Variants in ZNF81 observed in about 807,000 individuals in gnomAD.
ZNF81 encodes zinc finger protein 81.
In ZNF81, 5 loss-of-function variants were observed where a neutral mutation model predicts 32.3. The ratio of observed to expected loss-of-function variants is 0.15; its 90% CI spans 0.08 to 0.33. ZNF81 has a LOEUF of 0.33. Among genes scored for constraint, ZNF81 ranks in the 10% least tolerant of loss-of-function variants. The pLI is 1.00. For synonymous variants in ZNF81, 163 were observed against 166.8 expected (o/e 0.98, Z 0.17); for missense variants, 379 against 479.8 (o/e 0.79, Z 1.96).
At chrX:47,860,826 G>T (rs782511606) in intron 2 of ZNF81, 1 of 111,143 alleles carries the variant, frequency 9.0e-6, no homozygotes, top group Non-Finnish European at 1.9e-5. Context: ...GAAGCTCTGC[G>T]CCCCTTCCCA....
intron 2 of ZNF81, among the ~76,000 whole-genome samples, chrX:47,877,198 A>AC (rs1323382339): frequency 3.7e-5 from 4 of 109,562 alleles, no homozygotes; most frequent in African/African-American, 1.3e-4. Context: ...ATTTGGGTGC[A>AC]CCCCCCCGCA....
At chrX:47,911,997 G>T (rs1433989067) in intron 4 of ZNF81, among the ~76,000 whole-genome samples, 1 of 110,100 alleles carries the variant, frequency 9.1e-6, no homozygotes. Context: ...GTAAGCTCAC[G>T]TGAGCAGCTC....
chrX:47,840,488 CTTTCT>C (rs1232430574), intron 1 of ZNF81, among the ~76,000 whole-genome samples: 1 of 108,344 alleles, frequency 9.2e-6, no homozygotes, highest in African/African-American at 3.3e-5. Flanking sequence ...TCTTTTCTTT[CTTTCT>C]TTTCTTTTTC....
rs1277486339 is a variant in ZNF81, at chrX:47,917,126, T to C, written c.*494T>C. ...ACACAGTGCAGAACAGGAGGAATATTACATTTTTTTTCAAATTTAGAATAA... is the reference window on the plus strand; with the variant it reads ...ACACAGTGCAGAACAGGAGGAATATCACATTTTTTTTCAAATTTAGAATAA... On this transcript the variant is annotated 3_prime_UTR_variant, in exon 5 of 5. Coordinates refer to ENST00000338637, the MANE Select transcript of ZNF81 (RefSeq NM_007137.5). The C allele has an allele frequency of 3.5e-6, 1 of 288,737 alleles. No individual in the cohort carries two copies. The highest frequency in any genetic ancestry group is 6.1e-6 in the Non-Finnish European group (1 of 164,573). The allele number at this position is 288,737 out of a possible 1,213,427, so 23.8% of individuals were successfully genotyped here.
At chrX:47,855,997 C>T (rs1010201165) in intron 2 of ZNF81, among the ~76,000 whole-genome samples, 3 of 92,203 alleles carry the variant, frequency 3.3e-5, no homozygotes, top group African/African-American at 4.2e-5. Flanking sequence ...TGCAGTGAGC[C>T]GAGATCACGC....
chrX:47,873,886 C>T (rs2058589854), intron 2 of ZNF81, among the ~76,000 whole-genome samples: 1 of 111,085 alleles, frequency 9.0e-6, no homozygotes, highest in African/African-American at 3.3e-5. Flanking sequence ...AGGCTCATCT[C>T]GAACTCCTTG....
chrX:47,846,688 A>G (rs896801658), intron 2 of ZNF81, among the ~76,000 whole-genome samples: 2 of 112,028 alleles, frequency 1.8e-5, no homozygotes, highest in Non-Finnish European at 3.8e-5. Flanking sequence ...TAAAGAAAAA[A>G]AAAAGCTCTT....
chrX:47,921,559 T>C lies in ZNF81; in HGVS notation c.*4927T>C, dbSNP rs1226842896. On this transcript the variant is annotated 3_prime_UTR_variant, in exon 5 of 5. Transcript: ENST00000338637. ...CCACCTCCTGGTATTCTCACTCTTA[T>C]ATAATCCCCTCCTCTTGAGTTTGGA... The C allele has an allele frequency of 9.0e-6, 1 of 111,139 alleles. No individual in the cohort carries two copies. The highest frequency in any genetic ancestry group is 2.8e-4 in the East Asian group (1 of 3,521). 9.2% of individuals were successfully genotyped at this position (111,139 alleles called of 1,213,427 possible).
chrX:47,858,860 G>A (rs1159342853), intron 2 of ZNF81, among the ~76,000 whole-genome samples: 1 of 111,512 alleles, frequency 9.0e-6, no homozygotes, highest in African/African-American at 3.3e-5. Context: ...GGAGGCCGAG[G>A]CAGGCAGATC....
At position 47,916,680 on chromosome X, in the gene ZNF81, G is replaced by C. The variant is rs1019532661; in HGVS notation, c.*48G>C. ...TGAGAGCCTTATAAGGCTGACAAAA[G>C]TCAGGTCTAACTATATATTATAAAA... is the stretch of plus-strand genomic sequence containing the variant. On this transcript the variant is annotated 3_prime_UTR_variant, in exon 5 of 5. Coordinates refer to ENST00000338637, the MANE Select transcript of ZNF81 (RefSeq NM_007137.5). The C allele has an allele frequency of 8.8e-7, 1 of 1,134,688 alleles. No individual in the cohort carries two copies. The highest frequency in any genetic ancestry group is 2.1e-5 in the South Asian group (1 of 47,206). The allele number at this position is 1,134,688 out of a possible 1,213,427, so 93.5% of individuals were successfully genotyped here. A position where few individuals can be genotyped will look rare whatever the true frequency, so the allele number is the denominator to read the frequency against.
intron 1 of ZNF81, among the ~76,000 whole-genome samples, chrX:47,845,069 A>G (rs2058465110): frequency 8.9e-6 from 1 of 112,443 alleles, no homozygotes; most frequent in South Asian, 3.6e-4. Flanking sequence ...CATTACTATA[A>G]GAGAATAAAG....
chrX:47,844,907 G>T (rs1449603904), intron 1 of ZNF81, among the ~76,000 whole-genome samples: 1 of 112,132 alleles, frequency 8.9e-6, no homozygotes, highest in Admixed American at 9.5e-5. Context: ...ATACATGAAA[G>T]ATTTTGGTTT....
chrX:47,880,298 G>A (rs991160866), intron 2 of ZNF81, among the ~76,000 whole-genome samples: 1 of 112,045 alleles, frequency 8.9e-6, no homozygotes, highest in Non-Finnish European at 1.9e-5. Context: ...TTGCAGCCTC[G>A]ACCTCCCAAG....
intron 3 of ZNF81, among the ~76,000 whole-genome samples, chrX:47,889,223 T>G (rs2058653811): frequency 1.8e-5 from 2 of 111,951 alleles, no homozygotes; most frequent in African/African-American, 6.5e-5. Context: ...GTGTGTGACT[T>G]GTGGATCCAA....
intron 2 of ZNF81, among the ~76,000 whole-genome samples, chrX:47,858,086 G>A (rs1256029082): frequency 9.0e-6 from 1 of 111,626 alleles, no homozygotes; most frequent in Admixed American, 9.6e-5. Context: ...CTCATGAATA[G>A]TGATGGAACT....
At chrX:47,859,395 CTATTA>C (rs2148012761) in intron 2 of ZNF81, among the ~76,000 whole-genome samples, 1 of 111,259 alleles carries the variant, frequency 9.0e-6, no homozygotes, top group African/African-American at 3.3e-5. Context: ...CATTTTTTCC[CTATTA>C]TATTTTGAAG....
At chrX:47,866,153 T>C (rs2058559158) in intron 2 of ZNF81, among the ~76,000 whole-genome samples, 1 of 111,868 alleles carries the variant, frequency 8.9e-6, no homozygotes, top group Non-Finnish European at 1.9e-5. Flanking sequence ...ACCCTACTTA[T>C]AAGCTAATAA....
At chrX:47,841,431 T>C (rs1359025884) in intron 1 of ZNF81, 1 of 990,352 alleles carries the variant, frequency 1.0e-6, no homozygotes, top group Non-Finnish European at 1.4e-6. Context: ...TCGATGTGTA[T>C]GACAAAGGCC....
At chrX:47,909,886 A>G (rs2058733757) in intron 4 of ZNF81, among the ~76,000 whole-genome samples, 1 of 108,050 alleles carries the variant, frequency 9.3e-6, no homozygotes, top group Non-Finnish European at 1.9e-5. Context: ...GCGATAGTTT[A>G]CTGAGAATGA....
Sources: gnomAD v4.1 joint callset for allele counts (sites outside exome capture counted in the v4.1 genomes callset) on GRCh38, gnomAD v4.1.1 for gene constraint, MANE v1.5 for transcripts, NCBI Gene and HGNC (gene_info 2026-07-23, HGNC 2026-07-21) for gene names.